The following DSCAM variants were observed in gnomAD, a reference collection of about 807,000 sequenced individuals.
DSCAM encodes the protein cell adhesion molecule DSCAM.
A neutral mutation model predicts 217.7 loss-of-function variants in DSCAM; 47 were observed. The observed-to-expected ratio is 0.22, with a 90% CI of 0.17 to 0.28. The LOEUF is 0.28. Among genes scored for constraint, DSCAM ranks in the 10% least tolerant of loss-of-function variants. The pLI is 1.00. For missense variants in DSCAM, 2,080 were observed against 2,618.3 expected, an observed-to-expected ratio of 0.79 and a Z score of 4.49; for synonymous variants, 1,056 against 1,015.3, an observed-to-expected ratio of 1.04 and a Z score of -0.76.
chr21:40,140,023 G>T (rs575247224), intron 18 of DSCAM, among the ~76,000 whole-genome samples: 1 of 151,718 alleles, frequency 6.6e-6, no homozygotes, highest in Non-Finnish European at 1.5e-5. Flanking sequence ...TGGTGTGTGC[G>T]CACGTGTATG....
At chr21:40,780,428 T>TA (rs2091532835) in intron 1 of DSCAM, among the ~76,000 whole-genome samples, 1 of 135,576 alleles carries the variant, frequency 7.4e-6, no homozygotes, top group East Asian at 2.2e-4. Context: ...TGTGTGTATA[T>TA]ATATATATAT....
intron 9 of DSCAM, among the ~76,000 whole-genome samples, chr21:40,297,541 T>C (rs1399080761): frequency 6.6e-6 from 1 of 152,162 alleles, no homozygotes; most frequent in Non-Finnish European, 1.5e-5. Context: ...AGCCTATGTG[T>C]TACAGGTAGA....
At chr21:40,202,394 G>T (rs1456352090) in intron 11 of DSCAM, among the ~76,000 whole-genome samples, 1 of 152,190 alleles carries the variant, frequency 6.6e-6, no homozygotes, top group Non-Finnish European at 1.5e-5. Flanking sequence ...TCAATGGGGT[G>T]GTGAATTCTA....
intron 32 of DSCAM, among the ~76,000 whole-genome samples, chr21:40,031,515 T>C (rs2088524085): frequency 6.6e-6 from 1 of 152,204 alleles, no homozygotes; most frequent in Non-Finnish European, 1.5e-5. Flanking sequence ...TTTATCAGAA[T>C]AGTGTGTATC....
intron 1 of DSCAM, among the ~76,000 whole-genome samples, chr21:40,770,078 A>T (rs1039157553): frequency 1.1e-4 from 16 of 152,166 alleles, no homozygotes; most frequent in Admixed American, 9.8e-4. Context: ...TTTTTCTTTA[A>T]CAATAACACT....
chr21:40,050,993 T>C (rs890256414), intron 30 of DSCAM, among the ~76,000 whole-genome samples: 1 of 152,350 alleles, frequency 6.6e-6, no homozygotes, highest in East Asian at 1.9e-4. Context: ...CTGTTTTCTG[T>C]ATATTACAAT....
intron 1 of DSCAM, among the ~76,000 whole-genome samples, chr21:40,757,578 T>C (rs1341215940): frequency 1.3e-5 from 2 of 152,202 alleles, no homozygotes; most frequent in African/African-American, 4.8e-5. Context: ...TGTGGCTTCC[T>C]GGGACATGGG....
At chr21:40,787,607 T>C (rs1302136626) in intron 1 of DSCAM, among the ~76,000 whole-genome samples, 3 of 152,240 alleles carry the variant, frequency 2.0e-5, no homozygotes, top group Non-Finnish European at 2.9e-5. Context: ...CTCATATATA[T>C]TGAGTTCCTA....
intron 9 of DSCAM, among the ~76,000 whole-genome samples, chr21:40,308,118 C>A (rs1167622791): frequency 6.6e-6 from 1 of 151,978 alleles, no homozygotes; most frequent in Non-Finnish European, 1.5e-5. Context: ...ACAACAACAA[C>A]AAAAAAGAAA....
chr21:40,752,312 G>A (rs1303875954), intron 1 of DSCAM, among the ~76,000 whole-genome samples: 1 of 152,064 alleles, frequency 6.6e-6, no homozygotes, highest in Admixed American at 6.6e-5. Flanking sequence ...GCACAGCTGG[G>A]GCCCTCCCCT....
intron 3 of DSCAM, among the ~76,000 whole-genome samples, chr21:40,422,872 T>C (rs1334047139): frequency 2.0e-5 from 3 of 152,206 alleles, no homozygotes; most frequent in Non-Finnish European, 4.4e-5. Flanking sequence ...TCAACCTCAA[T>C]AAAATGTTCG....
intron 11 of DSCAM, among the ~76,000 whole-genome samples, chr21:40,249,726 T>G (rs184490574): frequency 1.7e-3 from 266 of 152,276 alleles, no homozygotes; most frequent in Non-Finnish European, 3.2e-3. Context: ...CAACCTGGTA[T>G]GCTGGGAGTT....
chr21:40,842,644 C>G (rs573037732), intron 1 of DSCAM, among the ~76,000 whole-genome samples: 1 of 152,216 alleles, frequency 6.6e-6, no homozygotes, highest in Admixed American at 6.5e-5. Flanking sequence ...CGAAATACTC[C>G]GTGCACCTTA....
At chr21:40,297,971 ATTG>A (rs2073973615) in intron 9 of DSCAM, among the ~76,000 whole-genome samples, 1 of 152,104 alleles carries the variant, frequency 6.6e-6, no homozygotes, top group South Asian at 2.1e-4. Context: ...CATTTTAAGG[ATTG>A]TTAAGATGAT....
intron 3 of DSCAM, among the ~76,000 whole-genome samples, chr21:40,672,323 T>C (rs1192849759): frequency 6.6e-6 from 1 of 152,170 alleles, no homozygotes; most frequent in Non-Finnish European, 1.5e-5. Flanking sequence ...TAATAATTAC[T>C]GTGAGATGTC....
chr21:40,027,449 C>T (rs2088414169), intron 32 of DSCAM, among the ~76,000 whole-genome samples: 1 of 150,358 alleles, frequency 6.7e-6, no homozygotes, highest in Admixed American at 6.6e-5. Context: ...GGAAGTTCTC[C>T]TGGATAATAT....
At chr21:40,680,648 G>A (rs2090391187) in intron 3 of DSCAM, among the ~76,000 whole-genome samples, 2 of 152,162 alleles carry the variant, frequency 1.3e-5, no homozygotes, top group African/African-American at 4.8e-5. Flanking sequence ...TGGATTTTCT[G>A]TTGCTCATAA....
At chr21:40,335,852 G>C (rs181720341) in intron 8 of DSCAM, among the ~76,000 whole-genome samples, 1 of 152,252 alleles carries the variant, frequency 6.6e-6, no homozygotes, top group Non-Finnish European at 1.5e-5. Context: ...TCATGGTGTT[G>C]ACATTTGCAC....
Position 40,405,147 on chromosome 21 carries a change from T to C in DSCAM, c.509-35902A>G, listed in dbSNP as rs561511108. Among the ~76,000 whole-genome samples, 3 of 152,316 alleles carry C rather than the reference T, an allele frequency of 2.0e-5. No individual in the cohort carries two copies. The East Asian group carries it at 5.8e-4, about 29-fold the overall frequency. ...TGAGAATCTAGTGGCGTATATTGTCTAGTAAAAATAATAATTTTCATACTG... is the reference window on the plus strand; with the variant it reads ...TGAGAATCTAGTGGCGTATATTGTCCAGTAAAAATAATAATTTTCATACTG... On this transcript the variant is annotated intron_variant, in intron 3 of 32. Transcript: ENST00000400454.
Sources: allele counts gnomAD v4.1 joint callset (sites outside exome capture counted in the v4.1 genomes callset), GRCh38; gene constraint gnomAD v4.1.1; transcripts MANE v1.5; gene names NCBI Gene and HGNC (gene_info 2026-07-23, HGNC 2026-07-21).